Variants in SLC2A7 observed in about 807,000 individuals in gnomAD.
SLC2A7 encodes solute carrier family 2 member 7.
A neutral mutation model predicts 50.5 loss-of-function variants in SLC2A7; 50 were observed. The ratio of observed to expected loss-of-function variants is 0.99; its 90% CI spans 0.79 to 1.25. The LOEUF is 1.25. SLC2A7 is among the 50% of genes most tolerant of loss of function. SLC2A7 has a pLI of 0.00. For missense variants in SLC2A7, 683 were observed against 679.1 expected (o/e 1.01, Z -0.06); for synonymous variants, 308 against 300.4 (o/e 1.03, Z -0.26).
rs766440569 is a variant in SLC2A7, at chr1:9,003,497, A to C, written c.1342T>G (p.Phe448Val). 3 of 1,614,084 alleles carry C rather than the reference A, an allele frequency of 1.9e-6. No individual in the cohort carries two copies. In the African/African-American group the frequency reaches 4.0e-5, roughly 22 times the overall value. Residue 448 changes from phenylalanine to valine, a missense_variant, in exon 12 of 12, where the codon TTC (phenylalanine) becomes GTC (valine). Transcript: ENST00000400906. The stretch of plus-strand genomic sequence containing the variant: ...AGGCAGATTCCGGCAAAGATGATGA[A>C]ACTGTAGGCACCGATGGCCTCCTAG... ...SIQEAIGAYS[F>V]IIFAGICLLT...
Position 9,019,350 on chromosome 1 carries a change from C to T in SLC2A7, c.312-17G>A, listed in dbSNP as rs779313201. 1.9e-6 allele frequency: 3 copies of T among 1,613,218 alleles called. No individual in the cohort carries two copies. In the East Asian group the frequency reaches 6.7e-5, roughly 36 times the overall value. On this transcript the variant is annotated splice_polypyrimidine_tract_variant and intron_variant, in intron 3 of 11. Transcript: ENST00000400906. ...GTCCCCTTTCTGCAAAGACAGTGAG[C>T]CCAGAGGGCAGGGGTGCGTGGAGGC...
Position 9,011,460 on chromosome 1 carries a change from C to CT in SLC2A7, c.1015-1217_1015-1216insA, listed in dbSNP as rs546423831. 9.2e-5 allele frequency among the ~76,000 whole-genome samples: 14 copies of CT among 152,154 alleles called. No homozygotes were observed. In the South Asian group the frequency reaches 2.7e-3, roughly 29 times the overall value. On this transcript the variant is annotated intron_variant, in intron 8 of 11. Transcript: ENST00000400906. ...ATTGAGCTCAGGAGTTCGAAACCAG[C>CT]CGGGTCAACATAGTAAGACCCTGTC...
intron 9 of SLC2A7, among the ~76,000 whole-genome samples, chr1:9,009,201 TGATATATTTTCCATTTG>T (rs1557647591): frequency 6.6e-6 from 1 of 152,240 alleles, no homozygotes; most frequent in Non-Finnish European, 1.5e-5. Context: ...ATTGCGTTGC[TGATATATTTTCCATTTG>T]AAAGGGCTCA....
chr1:9,023,172 A>T, intron 2 of SLC2A7, 94 bp from the exon 3 acceptor site: 1 of 1,383,034 alleles, frequency 7.2e-7, no homozygotes, highest in East Asian at 2.3e-5. Flanking sequence ...TTGTACAGAG[A>T]GGTTTTTCTG....
At chr1:9,016,715 G>A (rs1640835922) in intron 5 of SLC2A7, among the ~76,000 whole-genome samples, 1 of 151,876 alleles carries the variant, frequency 6.6e-6, no homozygotes, top group South Asian at 2.1e-4. Context: ...AAGGAAAGAA[G>A]GGAAAGAGAA....
chr1:8,998,294 A>G (rs569993599), downstream of SLC2A7, among the ~76,000 whole-genome samples: 1 of 152,034 alleles, frequency 6.6e-6, no homozygotes, highest in Non-Finnish European at 1.5e-5. Context: ...AATCCCAGTT[A>G]CTCAGGAGGC....
In SLC2A7 at chr1:9,007,332, G is replaced by A. The variant is rs373553644; in HGVS notation, c.1170C>T (p.Ile390=). ...CACTGGGCCCAATGGAATGTCCCGC[G>A]ATGTAGGCAAAGACACAGATGATGC... ...YLGIICVFAY[I]AGHSIGPSPV... Residue 390 remains isoleucine, a synonymous_variant, in exon 10 of 12, where the codon ATC becomes ATT. Transcript: ENST00000400906. 7.4e-6 allele frequency: 12 copies of A among 1,614,206 alleles called. No individual in the cohort carries two copies. Among genetic ancestry groups the A allele is most frequent in the African/African-American group, 5.3e-5 (4 of 75,054 alleles).
rs534999152 is a variant in SLC2A7 at position 9,003,085 on chromosome 1, G to A, written c.*215C>T. On this transcript the variant is annotated 3_prime_UTR_variant, in exon 12 of 12. Coordinates refer to ENST00000400906, the MANE Select transcript of SLC2A7 (RefSeq NM_207420.3). ...CTTAACCAATCAAAATTCACGTGCC[G>A]GCCCCTTCCTCCAGGTCATTCCTCA... 3.9e-5 allele frequency among the ~76,000 whole-genome samples: 6 copies of A among 152,266 alleles called. No individual in the cohort carries two copies. The highest frequency in any genetic ancestry group is 5.9e-5 in the Non-Finnish European group (4 of 68,028).
chr1:9,022,326 C>T (rs1640923647), intron 3 of SLC2A7, among the ~76,000 whole-genome samples: 1 of 152,218 alleles, frequency 6.6e-6, no homozygotes, highest in Admixed American at 6.5e-5. Flanking sequence ...GAACCTTGGC[C>T]TGTGCATCTT....
At position 9,022,957 on chromosome 1, in the gene SLC2A7, C is replaced by T. The variant is rs745413229; in HGVS notation, c.272G>A (p.Gly91Glu). 1 of 1,614,118 alleles carries T rather than the reference C, an allele frequency of 6.2e-7. No homozygotes were observed. The highest frequency in any genetic ancestry group is 8.5e-7 in the Non-Finnish European group (1 of 1,179,994). The change falls in exon 3 of 12, where the codon GGG becomes GAG. Residue 91 changes from glycine (G) to glutamate (E), a missense_variant. By Grantham distance (98) the Gly-to-Glu change is moderately conservative. Coordinates refer to ENST00000400906, the MANE Select transcript of SLC2A7 (RefSeq NM_207420.3). ...AACCAGCAGGCCCACGAGCAATGACCCCAACAGGCCGCCCAGAGGAAACAT... is the reference window on the plus strand; with the variant it reads ...AACCAGCAGGCCCACGAGCAATGACTCCAACAGGCCGCCCAGAGGAAACAT... ...VSMFPLGGLL[G>E]SLLVGLLVDS...
Position 9,025,054 on chromosome 1 carries a change from C to T in SLC2A7, c.72G>A (p.Leu24=). The change falls in exon 2 of 12, where the codon TTG becomes TTA. Residue 24 remains leucine (L), a synonymous_variant. Transcript: ENST00000400906. ...SREGRLQPTL[L]LATLSAAFGS... Reference sequence around the variant, plus strand: ...CAAAGGCCGCGCTCAGTGTCGCCAGCAACAGCGTCGGCTGGAGCCGCTGTA... The same window carrying T: ...CAAAGGCCGCGCTCAGTGTCGCCAGTAACAGCGTCGGCTGGAGCCGCTGTA... 4 of 1,613,570 alleles carry T rather than the reference C, an allele frequency of 2.5e-6. No homozygotes were observed. Among genetic ancestry groups the T allele is most frequent in the Non-Finnish European group, 3.4e-6 (4 of 1,179,976 alleles).
chr1:8,994,253 C>T, the SLC2A7 span, among the ~76,000 whole-genome samples: 22 of 152,336 alleles, frequency 1.4e-4, no homozygotes, highest in African/African-American at 4.6e-4. Context: ...CTCCTGGGAA[C>T]CTTGGCCTGT....
Position 9,003,267 on chromosome 1 carries a change from T to G in SLC2A7, c.*33A>C. ...GGCCCATTGTCATAGAAGGAAGCCT[T>G]GAATATGGGCTCCCGTCCTTCATGC... On this transcript the variant is annotated 3_prime_UTR_variant, in exon 12 of 12. Coordinates refer to ENST00000400906, the MANE Select transcript of SLC2A7 (RefSeq NM_207420.3). The G allele has an allele frequency of 6.2e-7, 1 of 1,607,266 alleles. No homozygotes were observed. The highest frequency in any genetic ancestry group is 1.3e-5 in the African/African-American group (1 of 74,650).
chr1:9,011,424 C>CA (rs1640747738), intron 8 of SLC2A7, among the ~76,000 whole-genome samples: 1 of 152,180 alleles, frequency 6.6e-6, no homozygotes, highest in African/African-American at 2.4e-5. Flanking sequence ...GAGGCCGAGA[C>CA]AGGAGGATTG....
downstream of SLC2A7, among the ~76,000 whole-genome samples, chr1:9,000,043 T>C (rs533397095): frequency 6.6e-6 from 1 of 152,252 alleles, no homozygotes; most frequent in East Asian, 1.9e-4. Flanking sequence ...TTTAGAGACA[T>C]GCAAAGTAAA....
At chr1:9,016,694 A>T (rs937524614) in intron 5 of SLC2A7, among the ~76,000 whole-genome samples, 3 of 152,018 alleles carry the variant, frequency 2.0e-5, no homozygotes, top group African/African-American at 7.2e-5. Context: ...GAAGGAAGGA[A>T]GGAAAACAAA....
chr1:9,026,314 G>T lies in SLC2A7; in HGVS notation c.32C>A (p.Pro11His). The change falls in exon 1 of 12, where the codon CCC becomes CAC. Residue 11 changes from proline (P) to histidine (H), a missense_variant. Pro to His is a moderately conservative substitution (Grantham distance 77). Coordinates refer to ENST00000400906, the MANE Select transcript of SLC2A7 (RefSeq NM_207420.3). ...ACTTACCCCCTCCCTGGATGGAATG[G>T]GTGGAGGGGTTCCCGCCTCTTTGTT... is the stretch of plus-strand genomic sequence containing the variant. MENKEAGTPP[P>H]IPSREGRLQP... The T allele has an allele frequency of 6.2e-7, 1 of 1,609,774 alleles. No individual in the cohort carries two copies. The highest frequency in any genetic ancestry group is 8.5e-7 in the Non-Finnish European group (1 of 1,177,994).
At chr1:9,018,132 C>T (rs1640857156) in intron 5 of SLC2A7, 91 bp downstream of exon 5, 1 of 1,541,488 alleles carries the variant, frequency 6.5e-7, no homozygotes. Flanking sequence ...AAAATCATCT[C>T]TCGGGTCTCA....
At chr1:8,994,155 G>A in the SLC2A7 span, among the ~76,000 whole-genome samples, 2 of 152,174 alleles carry the variant, frequency 1.3e-5, no homozygotes, top group Admixed American at 6.5e-5. Flanking sequence ...GGCACACCAC[G>A]CCCAAGTGTA....
Sources: allele counts gnomAD v4.1 joint callset (sites outside exome capture counted in the v4.1 genomes callset), GRCh38; gene constraint gnomAD v4.1.1; transcripts MANE v1.5; gene names NCBI Gene and HGNC (gene_info 2026-07-23, HGNC 2026-07-21).